The following PBX3 variants were observed in gnomAD, a reference collection of about 807,000 sequenced individuals.
PBX3 encodes pre-B-cell leukemia transcription factor 3.
A neutral mutation model predicts 48.5 loss-of-function variants in PBX3; 14 were observed. The ratio of observed to expected loss-of-function variants is 0.29; its 90% CI spans 0.19 to 0.45. The LOEUF (loss-of-function observed/expected upper bound fraction) is 0.45, where lower values mean the gene tolerates loss of function less well. Among genes scored for constraint, PBX3 ranks in the 20% least tolerant of loss-of-function variants. PBX3 has a pLI of 1.00. For missense variants in PBX3, 386 were observed against 546.7 expected, an observed-to-expected ratio of 0.71 and a Z score of 2.93; for synonymous variants, 210 against 200.3, an observed-to-expected ratio of 1.05 and a Z score of -0.41.
intron 3 of PBX3, among the ~76,000 whole-genome samples, chr9:125,928,432 A>C (rs183663895): frequency 2.1e-5 from 3 of 145,712 alleles, no homozygotes; most frequent in African/African-American, 7.7e-5. Context: ...GTTTTTGTGT[A>C]TGTACTGAAA....
intron 2 of PBX3, among the ~76,000 whole-genome samples, chr9:125,832,505 C>G (rs552104626): frequency 6.6e-6 from 1 of 152,300 alleles, no homozygotes; most frequent in African/African-American, 2.4e-5. Context: ...TAATGGTTTT[C>G]AGATAACAAT....
At chr9:125,791,497 T>C (rs1411414572) in intron 2 of PBX3, among the ~76,000 whole-genome samples, 1 of 152,038 alleles carries the variant, frequency 6.6e-6, no homozygotes, top group African/African-American at 2.4e-5. Flanking sequence ...TTGCTGTTCT[T>C]ATGGTAGTGA....
At chr9:125,813,257 AT>A (rs57541534) in intron 2 of PBX3, among the ~76,000 whole-genome samples, 8,957 of 151,808 alleles carry the variant, frequency 0.059, 603 homozygotes, top group East Asian at 0.17. Context: ...CTTTTTATTA[AT>A]TTTTTTTACT....
chr9:125,804,972 AGAAGAAGAG>A (rs1292179231), intron 2 of PBX3, among the ~76,000 whole-genome samples: 2 of 86,836 alleles, frequency 2.3e-5, no homozygotes, highest in Admixed American at 1.3e-4. Context: ...AAAAAGAAGA[AGAAGAAGAG>A]GAAGAAGACA....
chr9:125,849,482 A>G (rs1839518781), intron 2 of PBX3, among the ~76,000 whole-genome samples: 1 of 152,000 alleles, frequency 6.6e-6, no homozygotes, highest in African/African-American at 2.4e-5. Flanking sequence ...GCACATTTTA[A>G]AATGGTACAC....
intron 2 of PBX3, among the ~76,000 whole-genome samples, chr9:125,894,206 G>C (rs1588269184): frequency 6.6e-6 from 1 of 152,086 alleles, no homozygotes; most frequent in Admixed American, 6.5e-5. Context: ...CTTTGTCAGT[G>C]AATACCCAAG....
At chr9:125,823,236 A>G (rs1473363971) in intron 2 of PBX3, among the ~76,000 whole-genome samples, 2 of 152,180 alleles carry the variant, frequency 1.3e-5, no homozygotes, top group South Asian at 2.1e-4. Flanking sequence ...GACATTTTCA[A>G]ATTTACTTCA....
chr9:125,963,125 G>A (rs1450366062), intron 8 of PBX3, 24 bp downstream of exon 8: 3 of 1,317,470 alleles, frequency 2.3e-6, no homozygotes, highest in Non-Finnish European at 2.2e-6. Flanking sequence ...GGAGTCAGCT[G>A]TAGGAGAACA....
At chr9:125,918,206 C>G (rs1841376948) in intron 3 of PBX3, among the ~76,000 whole-genome samples, 1 of 152,120 alleles carries the variant, frequency 6.6e-6, no homozygotes, top group African/African-American at 2.4e-5. Flanking sequence ...GTCTTTACAC[C>G]TGCCTCCTTA....
At chr9:125,765,227 G>C (rs907283322) in intron 2 of PBX3, among the ~76,000 whole-genome samples, 2 of 150,192 alleles carry the variant, frequency 1.3e-5, no homozygotes, top group South Asian at 2.1e-4. Flanking sequence ...ATGGCTCACT[G>C]CAACCTCTGC....
At chr9:125,870,094 G>C (rs1193909407) in intron 2 of PBX3, among the ~76,000 whole-genome samples, 1 of 140,868 alleles carries the variant, frequency 7.1e-6, no homozygotes, top group African/African-American at 2.5e-5. Flanking sequence ...AGCTCACTGA[G>C]ACAGTAGCAC....
In PBX3 at chr9:125,747,577, A is replaced by C. The variant is rs1405941449; in HGVS notation, c.124A>C (p.Arg42=). The C allele has an allele frequency of 6.2e-7, 1 of 1,606,920 alleles. No homozygotes were observed. Among genetic ancestry groups the C allele is most frequent in the Non-Finnish European group, 8.5e-7 (1 of 1,176,882 alleles). The change falls in exon 1 of 9, where the codon AGG becomes CGG. Residue 42 remains arginine (R), a synonymous_variant. Transcript: ENST00000373489. ...CCACGAAGGGGCGGACGGCGACGGC[A>C]GGAAGCAGGACATCGGCGACATCCT... ...HGHEGADGDG[R]KQDIGDILHQ... is the part of the protein sequence containing the mutation.
At chr9:125,806,484 C>A (rs1290437693) in intron 2 of PBX3, among the ~76,000 whole-genome samples, 1 of 152,150 alleles carries the variant, frequency 6.6e-6, no homozygotes, top group African/African-American at 2.4e-5. Context: ...AGGATGGCAC[C>A]TTGCATGCTG....
chr9:125,938,426 G>T (rs887595267), intron 5 of PBX3, among the ~76,000 whole-genome samples: 1 of 152,096 alleles, frequency 6.6e-6, no homozygotes. Context: ...GAAGAACATG[G>T]TCTTAAAGTG....
chr9:125,748,670 G>A, intron 2 of PBX3, 47 bp downstream of exon 2: 1 of 1,476,930 alleles, frequency 6.8e-7, no homozygotes, highest in South Asian at 1.1e-5. Flanking sequence ...CCGAGGTGGG[G>A]GTCGGAGCTA....
intron 2 of PBX3, among the ~76,000 whole-genome samples, chr9:125,837,986 T>C (rs536247802): frequency 6.6e-6 from 1 of 152,324 alleles, no homozygotes; most frequent in African/African-American, 2.4e-5. Context: ...AAATGGTAGA[T>C]AGAAACATTT....
At chr9:125,862,893 TTTTTA>T (rs1000760044) in intron 2 of PBX3, among the ~76,000 whole-genome samples, 6 of 151,890 alleles carry the variant, frequency 4.0e-5, no homozygotes, top group African/African-American at 9.7e-5. Context: ...TGATGTATGA[TTTTTA>T]TTTTATTTTA....
chr9:125,751,009 A>G (rs1449166860), intron 2 of PBX3, among the ~76,000 whole-genome samples: 1 of 152,214 alleles, frequency 6.6e-6, no homozygotes, highest in Non-Finnish European at 1.5e-5. Flanking sequence ...GCAAATTCCA[A>G]GCCCCCCCAC....
At chr9:125,921,103 T>G (rs1433652135) in intron 3 of PBX3, among the ~76,000 whole-genome samples, 1 of 152,188 alleles carries the variant, frequency 6.6e-6, no homozygotes, top group Non-Finnish European at 1.5e-5. Flanking sequence ...TACTACCTGA[T>G]TTCATGTTTC....
Sources: allele counts gnomAD v4.1 joint callset (sites outside exome capture counted in the v4.1 genomes callset), GRCh38; gene constraint gnomAD v4.1.1; transcripts MANE v1.5; gene names NCBI Gene and HGNC (gene_info 2026-07-23, HGNC 2026-07-21).